The following MPP7 variants were observed in gnomAD, a reference collection of about 807,000 sequenced individuals.
MPP7 encodes the protein MAGUK p55 subfamily member 7.
A neutral mutation model predicts 76.5 loss-of-function variants in MPP7; 60 were observed. The observed-to-expected ratio is 0.78, with a 90% CI of 0.64 to 0.97. MPP7 has a LOEUF of 0.97. MPP7 is among the 50% of genes least tolerant of loss of function. The pLI, the probability that MPP7 is intolerant of heterozygous loss-of-function variation, is 0.00. For synonymous variants in MPP7, 237 were observed against 244.5 expected (o/e 0.97, Z 0.29); for missense variants, 641 against 694.0 (o/e 0.92, Z 0.86).
At chr10:28,183,099 A>T (rs1014920141) in intron 3 of MPP7, among the ~76,000 whole-genome samples, 1 of 152,194 alleles carries the variant, frequency 6.6e-6, no homozygotes, top group Admixed American at 6.5e-5. Flanking sequence ...ACAAAAAAAG[A>T]GCAAGTTGAG....
chr10:28,286,345 C>CA (rs1199440485), intron 1 of MPP7, among the ~76,000 whole-genome samples: 7 of 142,166 alleles, frequency 4.9e-5, no homozygotes, highest in African/African-American at 1.0e-4. Context: ...GACTCCACCT[C>CA]AAAAAAAAAT....
intron 1 of MPP7, among the ~76,000 whole-genome samples, chr10:28,298,246 T>A (rs1008258804): frequency 1.3e-5 from 2 of 152,208 alleles, no homozygotes; most frequent in African/African-American, 4.8e-5. Flanking sequence ...CCAAGATCCA[T>A]CAGAACAATC....
intron 3 of MPP7, among the ~76,000 whole-genome samples, chr10:28,156,456 G>A (rs532394897): frequency 6.6e-6 from 1 of 152,260 alleles, no homozygotes; most frequent in African/African-American, 2.4e-5. Context: ...AGATTAATCG[G>A]TATCACCTAT....
At chr10:28,171,176 T>C (rs1384353206) in intron 3 of MPP7, among the ~76,000 whole-genome samples, 1 of 152,188 alleles carries the variant, frequency 6.6e-6, no homozygotes, top group East Asian at 1.9e-4. Flanking sequence ...GTCCATATCT[T>C]CTTAAAGTTT....
chr10:28,087,046 C>G (rs1853048258), intron 12 of MPP7, among the ~76,000 whole-genome samples: 1 of 152,092 alleles, frequency 6.6e-6, no homozygotes, highest in African/African-American at 2.4e-5. Context: ...GAAGTGGGGC[C>G]CAAGGAGAGG....
At chr10:28,150,411 A>G (rs961761825) in intron 3 of MPP7, among the ~76,000 whole-genome samples, 6 of 152,192 alleles carry the variant, frequency 3.9e-5, no homozygotes, top group African/African-American at 1.4e-4. Flanking sequence ...TTGCTGCAAT[A>G]TTTCAAGTAT....
At chr10:28,138,901 C>T (rs1374972043) in intron 5 of MPP7, among the ~76,000 whole-genome samples, 1 of 152,032 alleles carries the variant, frequency 6.6e-6, no homozygotes, top group Non-Finnish European at 1.5e-5. Flanking sequence ...ACTGGGAATC[C>T]CAATGTTGCA....
At chr10:28,266,430 CAT>C (rs1234351341) in intron 1 of MPP7, among the ~76,000 whole-genome samples, 2 of 152,116 alleles carry the variant, frequency 1.3e-5, no homozygotes, top group Non-Finnish European at 2.9e-5. Context: ...GTCCTCATAA[CAT>C]ATAGTTTTGC....
chr10:28,078,708 GA>G (rs1341392613), intron 12 of MPP7, among the ~76,000 whole-genome samples: 4 of 152,024 alleles, frequency 2.6e-5, no homozygotes, highest in African/African-American at 9.7e-5. Context: ...AAGGTCTTGG[GA>G]AAAATGTGTG....
At chr10:28,293,614 A>C (rs1182766574) in intron 1 of MPP7, among the ~76,000 whole-genome samples, 1 of 152,200 alleles carries the variant, frequency 6.6e-6, no homozygotes, top group Admixed American at 6.5e-5. Context: ...CGGACCAATC[A>C]TGACAGTGTG....
intron 8 of MPP7, 44 bp downstream of exon 8, chr10:28,123,987 C>G (rs556129633): frequency 7.7e-7 from 1 of 1,297,490 alleles, no homozygotes; most frequent in Non-Finnish European, 1.1e-6. Context: ...TACAGTGATT[C>G]GATTTTATTT....
At chr10:28,216,269 T>C (rs1838306922) in intron 2 of MPP7, among the ~76,000 whole-genome samples, 1 of 151,692 alleles carries the variant, frequency 6.6e-6, no homozygotes, top group Admixed American at 6.6e-5. Flanking sequence ...TGAGTCAAGG[T>C]GGTGCCACTG....
intron 2 of MPP7, among the ~76,000 whole-genome samples, chr10:28,327,482 TAGG>T (rs1212215538): frequency 1.3e-5 from 2 of 152,174 alleles, no homozygotes; most frequent in African/African-American, 4.8e-5. Context: ...CGTGGACTAA[TAGG>T]AAGAGCTGGA....
chr10:28,284,289 A>T (rs535488753), intron 1 of MPP7, among the ~76,000 whole-genome samples: 1 of 152,226 alleles, frequency 6.6e-6, no homozygotes, highest in East Asian at 1.9e-4. Context: ...ACACAAATGT[A>T]CACAGACATT....
chr10:28,168,804 C>T (rs1836578405), intron 3 of MPP7, among the ~76,000 whole-genome samples: 1 of 152,166 alleles, frequency 6.6e-6, no homozygotes, highest in South Asian at 2.1e-4. Flanking sequence ...AGGTGTGAGC[C>T]ACAGTGCCCA....
intron 3 of MPP7, among the ~76,000 whole-genome samples, chr10:28,155,141 A>C (rs1836009628): frequency 6.6e-6 from 1 of 152,204 alleles, no homozygotes; most frequent in African/African-American, 2.4e-5. Flanking sequence ...CGAGTCTGGG[A>C]TCTATGGCTA....
At chr10:28,064,633 C>A (rs940106057) in intron 13 of MPP7, among the ~76,000 whole-genome samples, 1 of 152,042 alleles carries the variant, frequency 6.6e-6, no homozygotes, top group Admixed American at 6.6e-5. Context: ...CTGAGAAGTA[C>A]GGAAAATGTA....
intron 1 of MPP7, among the ~76,000 whole-genome samples, chr10:28,293,043 TAAA>T (rs56883523): frequency 7.4e-5 from 9 of 122,362 alleles, no homozygotes; most frequent in Admixed American, 8.4e-5. Flanking sequence ...CCCAGAAGGT[TAAA>T]AAAAAAAAAA....
chr10:28,210,487 T>C (rs1178290963), intron 2 of MPP7, among the ~76,000 whole-genome samples: 1 of 152,158 alleles, frequency 6.6e-6, no homozygotes, highest in Admixed American at 6.5e-5. Flanking sequence ...CATAAATGTA[T>C]GAAACTTATA....
Sources: gnomAD v4.1 joint callset for allele counts (sites outside exome capture counted in the v4.1 genomes callset) on GRCh38, gnomAD v4.1.1 for gene constraint, MANE v1.5 for transcripts, NCBI Gene and HGNC (gene_info 2026-07-23, HGNC 2026-07-21) for gene names.